Variants in BCL2 observed in about 807,000 individuals in gnomAD.
The protein encoded by BCL2 is BCL2 apoptosis regulator, also known as apoptosis regulator Bcl-2.
A neutral mutation model predicts 14.2 loss-of-function variants in BCL2; 1 was observed. That is an observed-to-expected ratio of 0.07 (90% CI 0.02 to 0.33). BCL2 has a LOEUF of 0.33. Among genes scored for constraint, BCL2 ranks in the 10% least tolerant of loss-of-function variants. The probability of loss-of-function intolerance (pLI) is 0.99; values close to 1 mark genes in which losing one functional copy is unlikely to be tolerated. For missense variants in BCL2, 247 were observed against 305.9 expected (o/e 0.81, Z 1.44); for synonymous variants, 151 against 137.2 (o/e 1.10, Z -0.70).
rs149879995 is a variant in BCL2 at position 63,265,322 on chromosome 18, A to C, written c.585+52760T>G. Among the ~76,000 whole-genome samples, 475 of 152,364 alleles carry C rather than the reference A, an allele frequency of 3.1e-3. 13 individuals are homozygous for C. The highest frequency in any genetic ancestry group is 0.026 in the Admixed American group (405 of 15,308). On this transcript the variant is annotated intron_variant, in intron 2 of 2. Coordinates refer to ENST00000333681, the MANE Select transcript of BCL2 (RefSeq NM_000633.3). ...CAATAAAAACAGCTATCAGTAATTT[A>C]ATACAGGACGATTTCCTATATTGTG...
At chr18:63,201,910 T>C (rs1475792613) in intron 2 of BCL2, among the ~76,000 whole-genome samples, 1 of 152,054 alleles carries the variant, frequency 6.6e-6, no homozygotes, top group Non-Finnish European at 1.5e-5. Flanking sequence ...CAAACCACCA[T>C]GGCACGTGTA....
chr18:63,126,419 AT>A lies in BCL2; in HGVS notation c.*2205del, dbSNP rs1374882370. ...CACCATAGATTTGAATCTGCTGGTCATTTGCCATCTGGATTTTTAACTGAAT... is the reference window on the plus strand; with the variant it reads ...CACCATAGATTTGAATCTGCTGGTCATTGCCATCTGGATTTTTAACTGAAT... On this transcript the variant is annotated 3_prime_UTR_variant, in exon 3 of 3. Coordinates refer to ENST00000333681, the MANE Select transcript of BCL2 (RefSeq NM_000633.3). The A allele has an allele frequency of 8.8e-6, 2 of 226,064 alleles. No individual in the cohort carries two copies. Among genetic ancestry groups the A allele is most frequent in the African/African-American group, 4.4e-5 (2 of 44,948 alleles). The allele number at this position is 226,064 out of a possible 1,614,324, so 14.0% of individuals were successfully genotyped here. A position where few individuals can be genotyped will look rare whatever the true frequency, so the allele number is the denominator to read the frequency against.
At chr18:63,199,477 A>T (rs558310570) in intron 2 of BCL2, among the ~76,000 whole-genome samples, 3 of 151,366 alleles carry the variant, frequency 2.0e-5, no homozygotes, top group East Asian at 3.9e-4. Flanking sequence ...ATGCACATAG[A>T]CAACACACAC....
intron 2 of BCL2, among the ~76,000 whole-genome samples, chr18:63,155,674 A>G (rs1599213242): frequency 6.6e-6 from 1 of 152,252 alleles, no homozygotes; most frequent in Admixed American, 6.5e-5. Context: ...AGAGGCTGGG[A>G]GGAACCGGCA....
At chr18:63,159,472 C>A (rs1313674572) in intron 2 of BCL2, among the ~76,000 whole-genome samples, 1 of 152,172 alleles carries the variant, frequency 6.6e-6, no homozygotes, top group African/African-American at 2.4e-5. Flanking sequence ...GCAGAGATAA[C>A]TGGGAATTTT....
intron 2 of BCL2, among the ~76,000 whole-genome samples, chr18:63,138,483 G>T (rs1027085193): frequency 6.6e-6 from 1 of 152,212 alleles, no homozygotes; most frequent in African/African-American, 2.4e-5. Flanking sequence ...GGGGGAAAAG[G>T]AAAGGGAAAA....
At chr18:63,184,656 CA>C (rs1444750452) in intron 2 of BCL2, among the ~76,000 whole-genome samples, 2 of 152,226 alleles carry the variant, frequency 1.3e-5, no homozygotes, top group Non-Finnish European at 1.5e-5. Flanking sequence ...TGTAGCCCAT[CA>C]GGGGAGAGTA....
intron 2 of BCL2, among the ~76,000 whole-genome samples, chr18:63,194,838 C>T (rs899279812): frequency 1.3e-5 from 2 of 152,128 alleles, no homozygotes; most frequent in African/African-American, 4.8e-5. Context: ...CAGTGATACC[C>T]AGGAGAGCAG....
At chr18:63,280,870 C>T (rs1158504296) in intron 2 of BCL2, among the ~76,000 whole-genome samples, 2 of 152,164 alleles carry the variant, frequency 1.3e-5, no homozygotes, top group Non-Finnish European at 2.9e-5. Flanking sequence ...GGCACTCAAA[C>T]AGATATGTGT....
intron 2 of BCL2, among the ~76,000 whole-genome samples, chr18:63,266,888 A>G (rs77188700): frequency 0.011 from 1,716 of 152,338 alleles, 43 homozygotes; most frequent in South Asian, 0.068. Flanking sequence ...CCTGGCACAC[A>G]GTAAATTTAT....
At chr18:63,281,692 GA>G (rs1171744578) in intron 2 of BCL2, among the ~76,000 whole-genome samples, 1 of 128,716 alleles carries the variant, frequency 7.8e-6, no homozygotes, top group Non-Finnish European at 1.7e-5. Context: ...AAGAAAGAAA[GA>G]AAGAAAGAAA....
chr18:63,298,818 G>A (rs745819501), intron 2 of BCL2, among the ~76,000 whole-genome samples: 58 of 152,098 alleles, frequency 3.8e-4, no homozygotes, highest in Non-Finnish European at 6.3e-4. Context: ...TGAGATAAAT[G>A]GTTTCCTAAA....
At chr18:63,285,965 C>CTGGAGGT (rs1294708273) in intron 2 of BCL2, among the ~76,000 whole-genome samples, 1 of 152,220 alleles carries the variant, frequency 6.6e-6, no homozygotes, top group East Asian at 1.9e-4. Context: ...TCTCCCTGTC[C>CTGGAGGT]TTTCTGCAAC....
chr18:63,255,884 AT>A (rs954727289), intron 2 of BCL2, among the ~76,000 whole-genome samples: 2 of 152,112 alleles, frequency 1.3e-5, no homozygotes, highest in Admixed American at 6.5e-5. Context: ...TAAGAAATTA[AT>A]TTTCTTCTTA....
chr18:63,166,479 G>C, intron 2 of BCL2, among the ~76,000 whole-genome samples: 1 of 152,226 alleles, frequency 6.6e-6, no homozygotes, highest in Non-Finnish European at 1.5e-5. Flanking sequence ...CCCTGCAGTT[G>C]ACTGCGCCAG....
chr18:63,310,853 C>T (rs1362967376), intron 2 of BCL2, among the ~76,000 whole-genome samples: 3 of 152,084 alleles, frequency 2.0e-5, no homozygotes, highest in Non-Finnish European at 2.9e-5. Context: ...TAGTAAGTGG[C>T]TTTGTCTCCC....
intron 2 of BCL2, among the ~76,000 whole-genome samples, chr18:63,168,628 C>T (rs777087395): frequency 2.9e-4 from 44 of 152,184 alleles, no homozygotes; most frequent in Non-Finnish European, 6.2e-4. Context: ...ACTCAGAATG[C>T]TATGTGGCTA....
At chr18:63,288,390 A>G (rs1471747284) in intron 2 of BCL2, among the ~76,000 whole-genome samples, 1 of 152,226 alleles carries the variant, frequency 6.6e-6, no homozygotes, top group Non-Finnish European at 1.5e-5. Flanking sequence ...TTCCTTCCTT[A>G]TTAAAAACAA....
At chr18:63,193,720 G>T (rs1909360111) in intron 2 of BCL2, among the ~76,000 whole-genome samples, 1 of 151,442 alleles carries the variant, frequency 6.6e-6, no homozygotes, top group South Asian at 2.1e-4. Flanking sequence ...GACATTCCTT[G>T]ATATATATTA....
Sources: gnomAD v4.1 joint callset for allele counts (sites outside exome capture counted in the v4.1 genomes callset) on GRCh38, gnomAD v4.1.1 for gene constraint, MANE v1.5 for transcripts, NCBI Gene and HGNC (gene_info 2026-07-23, HGNC 2026-07-21) for gene names.